RAPGEF1: variants seen among roughly 807,000 people sequenced by gnomAD.
RAPGEF1 encodes Rap guanine nucleotide exchange factor 1.
RAPGEF1 carries 33 observed loss-of-function variants against 143.3 expected under a neutral mutation model. The observed-to-expected ratio is 0.23, with a 90% CI of 0.17 to 0.31. RAPGEF1 has a LOEUF of 0.31. RAPGEF1 is among the 10% of genes least tolerant of loss of function. The pLI is 1.00. For missense variants in RAPGEF1, 1,199 were observed against 1,645.4 expected (o/e 0.73, Z 4.69); for synonymous variants, 629 against 676.5 (o/e 0.93, Z 1.09).
chr9:131,731,694 C>T (rs1228584739), intron 1 of RAPGEF1, among the ~76,000 whole-genome samples: 1 of 152,236 alleles, frequency 6.6e-6, no homozygotes, highest in Non-Finnish European at 1.5e-5. Context: ...TGAACCCAGC[C>T]CTGGGCAAAC....
In RAPGEF1 at chr9:131,643,230, G is replaced by A; in HGVS notation, c.494+9C>T. On this transcript the variant is annotated intron_variant, in intron 4 of 26. Transcript: ENST00000683357. ...TTCTGACACAGCCAAAGACTTCAGA[G>A]CCACTCACCTGTGCTGAATTCGAGG... The A allele has an allele frequency of 6.2e-7, 1 of 1,606,092 alleles. No individual in the cohort carries two copies.
Position 131,584,266 on chromosome 9 carries a change from C to A in RAPGEF1, c.3414+45G>T, listed in dbSNP as rs747640862. 3.3e-6 allele frequency: 5 copies of A among 1,523,510 alleles called. No homozygotes were observed. In the Admixed American group the frequency reaches 9.4e-5, roughly 29 times the overall value. 94.4% of individuals were successfully genotyped at this position (1,523,510 alleles called of 1,614,324 possible). On this transcript the variant is annotated intron_variant, in intron 24 of 26. Coordinates refer to ENST00000683357, the MANE Select transcript of RAPGEF1 (RefSeq NM_001377935.1). This position sits in a 1 kb window ranked among gnomAD's most constrained non-coding sequence, Gnocchi z 6.8. ...GCTAGTCGCCTGAGGGCTGGGCGGC[C>A]CCCCTTACCAGCCACCCTCCCGCCC...
intron 1 of RAPGEF1, among the ~76,000 whole-genome samples, chr9:131,676,357 C>A (rs1316254913): frequency 6.6e-6 from 1 of 152,220 alleles, no homozygotes; most frequent in East Asian, 1.9e-4. Flanking sequence ...ACATGGGAAT[C>A]ACCTGTGTGG....
At chr9:131,715,854 A>C (rs1835826795) in intron 1 of RAPGEF1, among the ~76,000 whole-genome samples, 1 of 128,778 alleles carries the variant, frequency 7.8e-6, no homozygotes, top group African/African-American at 3.1e-5. Flanking sequence ...ACAGAGCGAG[A>C]CTCCCTCTCA....
intron 1 of RAPGEF1, among the ~76,000 whole-genome samples, chr9:131,686,082 G>A (rs914389566): frequency 1.1e-4 from 17 of 152,124 alleles, no homozygotes; most frequent in Non-Finnish European, 1.9e-4. Context: ...TTTTTACAAC[G>A]TAGTACCTGA....
chr9:131,636,268 AG>A (rs1966355163), intron 5 of RAPGEF1, among the ~76,000 whole-genome samples: 1 of 152,278 alleles, frequency 6.6e-6, no homozygotes, highest in African/African-American at 2.4e-5. Context: ...GGCATATAGA[AG>A]GTTCTCACTA....
At position 131,584,218 on chromosome 9, in the gene RAPGEF1, C is replaced by T. The variant is rs1013496278; in HGVS notation, c.3414+93G>A. ...AGGGGCCTAGGCCCAGCATTTGCTC[C>T]AGTGGGAGCACTTTCTGCCACAGCT... is the stretch of plus-strand genomic sequence containing the variant. On this transcript the variant is annotated intron_variant, in intron 24 of 26. Coordinates refer to ENST00000683357, the MANE Select transcript of RAPGEF1 (RefSeq NM_001377935.1). The surrounding 1 kb of genome is among the most constrained non-coding windows in gnomAD (Gnocchi z 6.8). 2.5e-6 allele frequency: 3 copies of T among 1,205,458 alleles called. No homozygotes were observed. Among genetic ancestry groups the T allele is most frequent in the Non-Finnish European group, 3.6e-6 (3 of 840,636 alleles). 74.7% of individuals were successfully genotyped at this position (1,205,458 alleles called of 1,614,324 possible).
At chr9:131,721,223 C>G (rs953354004) in intron 1 of RAPGEF1, among the ~76,000 whole-genome samples, 1 of 152,152 alleles carries the variant, frequency 6.6e-6, no homozygotes, top group Non-Finnish European at 1.5e-5. Flanking sequence ...TGATTACTCC[C>G]TCAGTGTTTT....
chr9:131,739,114 G>A (rs563070259), intron 1 of RAPGEF1, among the ~76,000 whole-genome samples: 1 of 152,270 alleles, frequency 6.6e-6, no homozygotes, highest in East Asian at 1.9e-4. Context: ...GGCAAACCCA[G>A]GGACTCGGAA....
intron 4 of RAPGEF1, among the ~76,000 whole-genome samples, chr9:131,639,481 C>T (rs1967192335): frequency 6.9e-6 from 1 of 145,666 alleles, no homozygotes; most frequent in East Asian, 2.1e-4. Context: ...AGAGAGACCA[C>T]GCTACCAGCT....
At chr9:131,658,715 A>G (rs757412594) in intron 1 of RAPGEF1, among the ~76,000 whole-genome samples, 1 of 152,208 alleles carries the variant, frequency 6.6e-6, no homozygotes, top group Non-Finnish European at 1.5e-5. Flanking sequence ...TCATGTCTCA[A>G]CAGAAAACCA....
chr9:131,719,364 G>C (rs1836090595), intron 1 of RAPGEF1, among the ~76,000 whole-genome samples: 1 of 152,132 alleles, frequency 6.6e-6, no homozygotes, highest in African/African-American at 2.4e-5. Flanking sequence ...GCATGAACTG[G>C]AAGCAGAAGT....
chr9:131,656,667 A>C (rs909917456), intron 1 of RAPGEF1, among the ~76,000 whole-genome samples: 1 of 152,286 alleles, frequency 6.6e-6, no homozygotes, highest in African/African-American at 2.4e-5. Context: ...GGCAAGATTC[A>C]CAACTGCGCC....
chr9:131,731,317 G>A (rs1259988444), intron 1 of RAPGEF1, among the ~76,000 whole-genome samples: 1 of 152,258 alleles, frequency 6.6e-6, no homozygotes, highest in Middle Eastern at 3.4e-3. Context: ...TGAAAGGAGG[G>A]GTTGAGAGTA....
At chr9:131,731,267 C>T (rs1651130630) in intron 1 of RAPGEF1, among the ~76,000 whole-genome samples, 1 of 152,146 alleles carries the variant, frequency 6.6e-6, no homozygotes, top group African/African-American at 2.4e-5. Context: ...TGGTAAGTGC[C>T]TAATGAACAT....
intron 16 of RAPGEF1, among the ~76,000 whole-genome samples, chr9:131,596,759 C>A (rs571797277): frequency 6.6e-6 from 1 of 152,258 alleles, no homozygotes; most frequent in Non-Finnish European, 1.5e-5. Context: ...CAAGACAGTC[C>A]CCAGCCTTGC....
intron 19 of RAPGEF1, 25 bp downstream of exon 19, chr9:131,589,861 A>G (rs775806322): frequency 5.0e-6 from 8 of 1,603,054 alleles, no homozygotes; most frequent in Non-Finnish European, 6.8e-6. Context: ...ACTGGCCCCC[A>G]GGACCCCAAG....
At chr9:131,633,390 C>T (rs900139041) in intron 5 of RAPGEF1, among the ~76,000 whole-genome samples, 1 of 152,112 alleles carries the variant, frequency 6.6e-6, no homozygotes, top group Non-Finnish European at 1.5e-5. Context: ...AGTTAAAGAG[C>T]GCCAGAACAC....
At chr9:131,593,427 T>A (rs552690756) in intron 17 of RAPGEF1, among the ~76,000 whole-genome samples, 1 of 152,226 alleles carries the variant, frequency 6.6e-6, no homozygotes, top group Non-Finnish European at 1.5e-5. Context: ...CCTGCTGAGG[T>A]GTGAGGCCCA....
Sources: allele counts gnomAD v4.1 joint callset (sites outside exome capture counted in the v4.1 genomes callset), GRCh38; gene constraint gnomAD v4.1.1; non-coding constraint Gnocchi (gnomAD v3.1); transcripts MANE v1.5; gene names NCBI Gene and HGNC (gene_info 2026-07-23, HGNC 2026-07-21).